The following CPNE4 variants were observed in gnomAD, a reference collection of about 807,000 sequenced individuals.
CPNE4 encodes the protein copine 4.
Under a neutral mutation model 67.9 loss-of-function variants are expected in CPNE4, and 25 were observed. That is an observed-to-expected ratio of 0.37 (90% CI 0.27 to 0.51). CPNE4 has a LOEUF of 0.51. Among genes scored for constraint, CPNE4 ranks in the 20% least tolerant of loss-of-function variants. The pLI, the probability that CPNE4 is intolerant of heterozygous loss-of-function variation, is 0.93. For synonymous variants in CPNE4, 242 were observed against 244.9 expected (o/e 0.99, Z 0.11); for missense variants, 464 against 690.8 (o/e 0.67, Z 3.68).
At chr3:131,887,525 G>GA (rs2087944732) in intron 2 of CPNE4, among the ~76,000 whole-genome samples, 2 of 152,066 alleles carry the variant, frequency 1.3e-5, no homozygotes, top group African/African-American at 2.4e-5. Context: ...AGGAATCAGT[G>GA]AAAAAACAAA....
At chr3:131,911,482 T>C (rs2088971605) in intron 1 of CPNE4, among the ~76,000 whole-genome samples, 1 of 151,944 alleles carries the variant, frequency 6.6e-6, no homozygotes, top group Admixed American at 6.6e-5. Flanking sequence ...AAATTTGTGG[T>C]AATATTATCT....
At chr3:131,549,186 G>A (rs1354752839) in intron 14 of CPNE4, among the ~76,000 whole-genome samples, 1 of 152,112 alleles carries the variant, frequency 6.6e-6, no homozygotes, top group Non-Finnish European at 1.5e-5. Context: ...ATGAAGGAAG[G>A]CTGAGAACAT....
chr3:131,600,576 G>T (rs532652252), intron 7 of CPNE4, among the ~76,000 whole-genome samples: 30 of 152,242 alleles, frequency 2.0e-4, no homozygotes, highest in African/African-American at 7.2e-4. Flanking sequence ...AAATGAGTTT[G>T]TGCACAGTCA....
chr3:132,009,367 C>T (rs750163630), intron 1 of CPNE4, among the ~76,000 whole-genome samples: 3 of 152,176 alleles, frequency 2.0e-5, no homozygotes, highest in Non-Finnish European at 2.9e-5. Context: ...GTCCCCATCC[C>T]TCCATGCTTG....
chr3:131,752,703 T>C (rs2082659979), intron 2 of CPNE4, among the ~76,000 whole-genome samples: 1 of 152,198 alleles, frequency 6.6e-6, no homozygotes, highest in African/African-American at 2.4e-5. Flanking sequence ...CAATTAATTT[T>C]AACATGAAAG....
chr3:131,843,709 G>A (rs1167723805), intron 2 of CPNE4, among the ~76,000 whole-genome samples: 5 of 152,158 alleles, frequency 3.3e-5, no homozygotes, highest in African/African-American at 1.2e-4. Flanking sequence ...GTGGGAACAA[G>A]GAGATCTCCC....
chr3:132,017,380 T>A (rs2073909037), intron 1 of CPNE4: 1 of 147,106 alleles, frequency 6.8e-6, no homozygotes, highest in Non-Finnish European at 1.5e-5. Context: ...TAAAAAGGAG[T>A]GGAAGAAAGG....
At chr3:131,588,757 G>C (rs1938348354) in intron 7 of CPNE4, among the ~76,000 whole-genome samples, 3 of 152,034 alleles carry the variant, frequency 2.0e-5, no homozygotes, top group Admixed American at 2.0e-4. Flanking sequence ...CATCATTCCT[G>C]ATATTCCTCT....
chr3:131,985,626 T>G (rs2073023465), intron 1 of CPNE4, among the ~76,000 whole-genome samples: 1 of 152,204 alleles, frequency 6.6e-6, no homozygotes, highest in Non-Finnish European at 1.5e-5. Context: ...AAGTTCTTTT[T>G]CAGTGCTGCC....
chr3:131,845,835 T>C (rs13063939), intron 2 of CPNE4, among the ~76,000 whole-genome samples: 30,881 of 152,106 alleles, frequency 0.2, 3,867 homozygotes, highest in Non-Finnish European at 0.27. Flanking sequence ...GTGGCAGAGA[T>C]TGGACACTAG....
chr3:131,801,415 C>CGTGT (rs796117335), intron 2 of CPNE4, among the ~76,000 whole-genome samples: 17 of 66,066 alleles, frequency 2.6e-4, no homozygotes, highest in South Asian at 1.1e-3. Context: ...TACATATATA[C>CGTGT]GTGTGTGTGT....
chr3:131,965,241 GAA>G (rs1056492324), intron 1 of CPNE4, among the ~76,000 whole-genome samples: 1 of 152,076 alleles, frequency 6.6e-6, no homozygotes, highest in Non-Finnish European at 1.5e-5. Context: ...ATATGGAAAA[GAA>G]AAAACAGTAC....
chr3:131,801,402 AGG>A (rs2084110974), intron 2 of CPNE4, among the ~76,000 whole-genome samples: 1 of 113,950 alleles, frequency 8.8e-6, no homozygotes, highest in African/African-American at 3.5e-5. Flanking sequence ...ATATATATAT[AGG>A]TACATATATA....
At chr3:131,648,707 A>G (rs538121008) in intron 7 of CPNE4, among the ~76,000 whole-genome samples, 1 of 152,256 alleles carries the variant, frequency 6.6e-6, no homozygotes, top group Admixed American at 6.5e-5. Flanking sequence ...TCATGTGGCT[A>G]TCTTGGAATA....
At chr3:131,761,291 C>G (rs1424443822) in intron 2 of CPNE4, among the ~76,000 whole-genome samples, 1 of 148,280 alleles carries the variant, frequency 6.7e-6, no homozygotes, top group Non-Finnish European at 1.5e-5. Context: ...TCATAGCTCA[C>G]TGTAGCCTAG....
At chr3:131,854,103 T>A (rs1055763621) in intron 2 of CPNE4, among the ~76,000 whole-genome samples, 1 of 151,928 alleles carries the variant, frequency 6.6e-6, no homozygotes, top group Admixed American at 6.6e-5. Context: ...CTCAGCCTTA[T>A]TCACAATAGC....
chr3:131,806,765 C>T (rs548227798), intron 2 of CPNE4, among the ~76,000 whole-genome samples: 2 of 152,180 alleles, frequency 1.3e-5, no homozygotes, highest in African/African-American at 4.8e-5. Flanking sequence ...CATGTGGTCA[C>T]TCCATGTCCC....
intron 2 of CPNE4, among the ~76,000 whole-genome samples, chr3:131,830,109 CAA>C (rs1430254427): frequency 1.3e-5 from 2 of 152,120 alleles, no homozygotes; most frequent in Non-Finnish European, 2.9e-5. Context: ...GCCCAACAGC[CAA>C]ATACCTAGTG....
intron 6 of CPNE4, among the ~76,000 whole-genome samples, chr3:131,681,189 G>C (rs1013462764): frequency 1.3e-5 from 2 of 152,136 alleles, no homozygotes; most frequent in Non-Finnish European, 1.5e-5. Context: ...ACCACAATTA[G>C]AGCATTATAA....
Sources: allele counts gnomAD v4.1 joint callset (sites outside exome capture counted in the v4.1 genomes callset), GRCh38; gene constraint gnomAD v4.1.1; transcripts MANE v1.5; gene names NCBI Gene and HGNC (gene_info 2026-07-23, HGNC 2026-07-21).